Variants in CACNA2D1 observed in about 807,000 individuals in gnomAD.
The protein encoded by CACNA2D1 is calcium voltage-gated channel auxiliary subunit alpha2delta 1.
A neutral mutation model predicts 171.5 loss-of-function variants in CACNA2D1; 53 were observed. The ratio of observed to expected loss-of-function variants is 0.31; its 90% CI spans 0.25 to 0.39. The LOEUF (loss-of-function observed/expected upper bound fraction) is 0.39, where lower values mean the gene tolerates loss of function less well. Among genes scored for constraint, CACNA2D1 ranks in the 10% least tolerant of loss-of-function variants. CACNA2D1 has a pLI of 1.00. For missense variants in CACNA2D1, 903 were observed against 1,299.8 expected, an observed-to-expected ratio of 0.69 and a Z score of 4.69; for synonymous variants, 442 against 443.1, an observed-to-expected ratio of 1.00 and a Z score of 0.03.
intron 5 of CACNA2D1, among the ~76,000 whole-genome samples, chr7:82,118,342 T>C (rs1210921048): frequency 6.6e-6 from 1 of 152,180 alleles, no homozygotes; most frequent in Non-Finnish European, 1.5e-5. Flanking sequence ...AAAACAGGTT[T>C]TAACTCTACC....
chr7:82,400,958 CTCA>C (rs1255320322), intron 1 of CACNA2D1, among the ~76,000 whole-genome samples: 1 of 152,120 alleles, frequency 6.6e-6, no homozygotes, highest in Admixed American at 6.5e-5. Context: ...TGAAAAAATG[CTCA>C]TCATCACTGG....
intron 3 of CACNA2D1, among the ~76,000 whole-genome samples, chr7:82,285,569 A>G (rs1810653813): frequency 6.6e-6 from 1 of 152,134 alleles, no homozygotes. Flanking sequence ...TACTATCCAT[A>G]TATTATGGTA....
intron 1 of CACNA2D1, among the ~76,000 whole-genome samples, chr7:82,374,484 C>G (rs1822780851): frequency 1.3e-5 from 2 of 152,128 alleles, no homozygotes; most frequent in Non-Finnish European, 2.9e-5. Context: ...ACACACCCCA[C>G]AGACAAACAC....
intron 18 of CACNA2D1, among the ~76,000 whole-genome samples, chr7:82,000,606 A>T (rs780070416): frequency 6.6e-6 from 1 of 151,132 alleles, no homozygotes; most frequent in Non-Finnish European, 1.5e-5. Context: ...TTATTTACTC[A>T]TTTTGTTTTT....
At chr7:82,228,335 T>G (rs1456309384) in intron 3 of CACNA2D1, among the ~76,000 whole-genome samples, 3 of 152,146 alleles carry the variant, frequency 2.0e-5, no homozygotes, top group Non-Finnish European at 4.4e-5. Context: ...GATAATAGGC[T>G]GCCTGGTGAG....
At chr7:81,997,089 C>T in intron 19 of CACNA2D1, 90 bp downstream of exon 19, 1 of 805,710 alleles carries the variant, frequency 1.2e-6, no homozygotes, top group Non-Finnish European at 2.2e-6. Flanking sequence ...GACAAGCTAA[C>T]ACATTGTAGC....
intron 19 of CACNA2D1, among the ~76,000 whole-genome samples, chr7:81,996,810 T>C (rs1798092099): frequency 6.6e-6 from 1 of 152,124 alleles, no homozygotes; most frequent in Non-Finnish European, 1.5e-5. Context: ...ATGCTATTTC[T>C]TATGTGTTTG....
At chr7:82,062,229 G>T (rs765469942) in intron 9 of CACNA2D1, among the ~76,000 whole-genome samples, 3 of 152,112 alleles carry the variant, frequency 2.0e-5, no homozygotes, top group African/African-American at 7.2e-5. Context: ...AAACAAGATA[G>T]AGGCAACCAT....
chr7:82,122,658 T>C (rs2129059098), intron 5 of CACNA2D1, among the ~76,000 whole-genome samples: 1 of 152,316 alleles, frequency 6.6e-6, no homozygotes, highest in East Asian at 1.9e-4. Flanking sequence ...ATATGTAACC[T>C]ATATTTTGGG....
chr7:82,106,266 A>G (rs1259041328), intron 6 of CACNA2D1, among the ~76,000 whole-genome samples: 1 of 152,090 alleles, frequency 6.6e-6, no homozygotes, highest in African/African-American at 2.4e-5. Flanking sequence ...AAAAATCCTC[A>G]TCTCAAATTC....
chr7:82,417,669 CA>C (rs1266712161), intron 1 of CACNA2D1, among the ~76,000 whole-genome samples: 2 of 152,026 alleles, frequency 1.3e-5, no homozygotes, highest in Non-Finnish European at 2.9e-5. Context: ...CCCTCACATC[CA>C]ACATGACAGT....
At chr7:82,403,563 T>G (rs1266717563) in intron 1 of CACNA2D1, among the ~76,000 whole-genome samples, 1 of 152,142 alleles carries the variant, frequency 6.6e-6, no homozygotes, top group Non-Finnish European at 1.5e-5. Flanking sequence ...TATATCTGCA[T>G]CCCACAAAAC....
intron 10 of CACNA2D1, among the ~76,000 whole-genome samples, chr7:82,056,002 C>A (rs1584564868): frequency 3.5e-4 from 7 of 19,976 alleles, no homozygotes; most frequent in Non-Finnish European, 5.3e-4. Context: ...TAAACCTACT[C>A]AAAAGTTAAA....
chr7:82,060,677 C>T (rs1046732596), intron 9 of CACNA2D1, 150 bp from the exon 10 acceptor site: 1 of 497,692 alleles, frequency 2.0e-6, no homozygotes, highest in African/African-American at 2.0e-5. Context: ...TAAAAAGTTA[C>T]ATTTTTTGAT....
intron 3 of CACNA2D1, among the ~76,000 whole-genome samples, chr7:82,200,266 A>C (rs1463762987): frequency 6.6e-6 from 1 of 152,098 alleles, no homozygotes; most frequent in African/African-American, 2.4e-5. Flanking sequence ...TTTTAGTGTA[A>C]ATAAATATAT....
Position 82,137,707 on chromosome 7 carries a change from T to TAAAAA in CACNA2D1, c.355-1036_355-1032dup, listed in dbSNP as rs1174278503. On this transcript the variant is annotated intron_variant, in intron 4 of 38. Transcript: ENST00000356860. ...TAATACAGTGAAACTCCGTCTCTACTAAAAAAAAAAAAAAAAAAAAAAATT... is the reference window on the plus strand; with the variant it reads ...TAATACAGTGAAACTCCGTCTCTACTAAAAAAAAAAAAAAAAAAAAAAAAAAAATT... 4.8e-4 allele frequency among the ~76,000 whole-genome samples: 38 copies of TAAAAA among 78,820 alleles called. 3 individuals are homozygous for TAAAAA. Among genetic ancestry groups the TAAAAA allele is most frequent in the African/African-American group, 1.4e-3 (27 of 18,754 alleles). 51.7% of individuals were successfully genotyped at this position (78,820 alleles called of 152,430 possible).
chr7:82,341,852 C>G (rs1244013823), intron 2 of CACNA2D1, among the ~76,000 whole-genome samples: 1 of 151,158 alleles, frequency 6.6e-6, no homozygotes, highest in Non-Finnish European at 1.5e-5. Flanking sequence ...TCCAGACCAT[C>G]CTGGCTAACA....
chr7:82,400,534 C>T (rs903203173), intron 1 of CACNA2D1, among the ~76,000 whole-genome samples: 22 of 151,678 alleles, frequency 1.5e-4, no homozygotes, highest in African/African-American at 4.8e-4. Flanking sequence ...CCCTTCCTTA[C>T]ACCTTATACA....
At chr7:82,036,739 T>C (rs945762999) in intron 11 of CACNA2D1, among the ~76,000 whole-genome samples, 1 of 152,178 alleles carries the variant, frequency 6.6e-6, no homozygotes, top group African/African-American at 2.4e-5. Flanking sequence ...AATCACCCAA[T>C]TGGATATCTC....
Sources: allele counts gnomAD v4.1 joint callset (sites outside exome capture counted in the v4.1 genomes callset), GRCh38; gene constraint gnomAD v4.1.1; transcripts MANE v1.5; gene names NCBI Gene and HGNC (gene_info 2026-07-23, HGNC 2026-07-21).